The following VAV3 variants were observed in gnomAD, a reference collection of about 807,000 sequenced individuals.
The protein encoded by VAV3 is guanine nucleotide exchange factor VAV3.
VAV3 carries 94 observed loss-of-function variants against 131.2 expected under a neutral mutation model. The ratio of observed to expected loss-of-function variants is 0.72; its 90% CI spans 0.61 to 0.85. The LOEUF is 0.85. Ranked by LOEUF, VAV3 falls within the 40% of genes least tolerant of loss-of-function variation. The pLI, the probability that VAV3 is intolerant of heterozygous loss-of-function variation, is 0.00. For missense variants in VAV3, 939 were observed against 1,002.7 expected (o/e 0.94, Z 0.86); for synonymous variants, 349 against 342.0 (o/e 1.02, Z -0.22).
intron 2 of VAV3, among the ~76,000 whole-genome samples, chr1:107,834,121 G>A (rs1485342737): frequency 6.6e-6 from 1 of 152,096 alleles, no homozygotes; most frequent in Non-Finnish European, 1.5e-5. Flanking sequence ...AATAATTCTT[G>A]TTTTCTCATT....
At chr1:107,881,190 G>C (rs1301624796) in intron 1 of VAV3, among the ~76,000 whole-genome samples, 1 of 152,036 alleles carries the variant, frequency 6.6e-6, no homozygotes, top group East Asian at 1.9e-4. Flanking sequence ...AGGACAACCA[G>C]GACATTATCA....
intron 15 of VAV3, among the ~76,000 whole-genome samples, chr1:107,708,828 G>A (rs896596694): frequency 6.6e-6 from 1 of 151,806 alleles, no homozygotes; most frequent in Non-Finnish European, 1.5e-5. Flanking sequence ...AACCCTTCCT[G>A]TGATTCAATT....
intron 1 of VAV3, among the ~76,000 whole-genome samples, chr1:107,917,456 T>A (rs1344139610): frequency 1.3e-5 from 2 of 152,186 alleles, no homozygotes; most frequent in African/African-American, 4.8e-5. Context: ...CATTGGTCTA[T>A]CTGACTCAGC....
intron 1 of VAV3, among the ~76,000 whole-genome samples, chr1:107,892,954 T>C (rs1671382730): frequency 6.6e-6 from 1 of 152,198 alleles, no homozygotes; most frequent in Non-Finnish European, 1.5e-5. Context: ...GAGCACTACC[T>C]GGCCTCCAGC....
chr1:107,933,814 CAAA>C (rs11383512), intron 1 of VAV3, among the ~76,000 whole-genome samples: 1 of 119,230 alleles, frequency 8.4e-6, no homozygotes, highest in Non-Finnish European at 1.7e-5. Flanking sequence ...AGACCCTTCT[CAAA>C]AAAAAAAAAA....
chr1:107,770,192 C>T (rs1400109203), intron 6 of VAV3, among the ~76,000 whole-genome samples: 1 of 152,112 alleles, frequency 6.6e-6, no homozygotes, highest in Non-Finnish European at 1.5e-5. Context: ...GGCATATGTA[C>T]ACGGCTTATA....
Position 107,669,408 on chromosome 1 carries a change from G to C in VAV3, c.1777+14080C>G, listed in dbSNP as rs1657623714. 3 of 1,289,432 alleles carry C rather than the reference G, an allele frequency of 2.3e-6. No individual in the cohort carries two copies. The South Asian group carries it at 3.7e-5, about 16-fold the overall frequency. 79.9% of individuals were successfully genotyped at this position (1,289,432 alleles called of 1,614,324 possible). On this transcript the variant is annotated intron_variant, in intron 19 of 26. Coordinates refer to ENST00000370056, the MANE Select transcript of VAV3 (RefSeq NM_006113.5). ...CTCAGAATTTCTTGTTCTTCTTTTGGCTTTTTACAATGCTTCTAGTAGCAG... is the reference window on the plus strand; with the variant it reads ...CTCAGAATTTCTTGTTCTTCTTTTGCCTTTTTACAATGCTTCTAGTAGCAG...
intron 14 of VAV3, 55 bp downstream of exon 14, chr1:107,749,407 T>A: frequency 6.6e-7 from 1 of 1,518,022 alleles, no homozygotes; most frequent in Non-Finnish European, 8.9e-7. Flanking sequence ...ATCATACTTT[T>A]CCTTAATGTT....
intron 15 of VAV3, among the ~76,000 whole-genome samples, chr1:107,709,769 C>T (rs1660667422): frequency 6.6e-6 from 1 of 152,152 alleles, no homozygotes; most frequent in Non-Finnish European, 1.5e-5. Flanking sequence ...CTTCTCCTTC[C>T]TGCTGCCATG....
At chr1:107,649,251 G>A (rs1277656979) in intron 19 of VAV3, among the ~76,000 whole-genome samples, 3 of 151,992 alleles carry the variant, frequency 2.0e-5, no homozygotes, top group Non-Finnish European at 4.4e-5. Context: ...CAGGGCTGGT[G>A]ATTAACTTAA....
intron 2 of VAV3, among the ~76,000 whole-genome samples, chr1:107,864,045 T>A (rs2100991288): frequency 6.6e-6 from 1 of 152,346 alleles, no homozygotes; most frequent in Admixed American, 6.5e-5. Context: ...TAAAAGCCTC[T>A]GCAGAAGAGC....
intron 19 of VAV3, chr1:107,669,193 A>C (rs1229471144): frequency 8.7e-7 from 1 of 1,147,240 alleles, no homozygotes. Context: ...CACTCTGCTC[A>C]AAGTCTTCTT....
intron 1 of VAV3, chr1:107,897,184 G>C (rs552136354): frequency 8.8e-4 from 133 of 151,932 alleles, no homozygotes; most frequent in African/African-American, 3.0e-3. Context: ...CTGTTGCCTA[G>C]AGACACAGCA....
chr1:107,717,653 T>G (rs914583565), intron 15 of VAV3, among the ~76,000 whole-genome samples: 1 of 152,208 alleles, frequency 6.6e-6, no homozygotes, highest in Non-Finnish European at 1.5e-5. Context: ...GTGTTTTACT[T>G]CCAACAATGT....
chr1:107,879,059 G>A (rs1017115013), intron 1 of VAV3, among the ~76,000 whole-genome samples: 4 of 151,188 alleles, frequency 2.6e-5, no homozygotes, highest in Admixed American at 6.6e-5. Context: ...ATTGTCCCAC[G>A]TTTGGCCACT....
chr1:107,599,294 T>C (rs1651652124), intron 24 of VAV3, among the ~76,000 whole-genome samples: 2 of 152,230 alleles, frequency 1.3e-5, no homozygotes, highest in Non-Finnish European at 2.9e-5. Context: ...TCTTTTCCAA[T>C]TTGCCTTTAT....
chr1:107,893,477 A>C (rs1243285413), intron 1 of VAV3, among the ~76,000 whole-genome samples: 1 of 152,202 alleles, frequency 6.6e-6, no homozygotes, highest in African/African-American at 2.4e-5. Context: ...CAGGAAGAAG[A>C]GTTTAATGGA....
chr1:107,943,404 T>C (rs1044900170), intron 1 of VAV3, among the ~76,000 whole-genome samples: 11 of 152,212 alleles, frequency 7.2e-5, no homozygotes, highest in African/African-American at 2.2e-4. Flanking sequence ...ATTAAGTGAA[T>C]GTGGTGAAGC....
intron 22 of VAV3, chr1:107,609,663 A>T (rs942913876): frequency 2.7e-6 from 1 of 364,022 alleles, no homozygotes; most frequent in African/African-American, 2.0e-5. Context: ...ACATATGCGT[A>T]TGTTCCATTC....
Sources: gnomAD v4.1 joint callset for allele counts (sites outside exome capture counted in the v4.1 genomes callset) on GRCh38, gnomAD v4.1.1 for gene constraint, MANE v1.5 for transcripts, NCBI Gene and HGNC (gene_info 2026-07-23, HGNC 2026-07-21) for gene names.